The following GRID2 variants were observed in gnomAD, a reference collection of about 807,000 sequenced individuals.
GRID2 encodes the protein glutamate receptor ionotropic, delta-2.
Under a neutral mutation model 114.8 loss-of-function variants are expected in GRID2, and 33 were observed. The ratio of observed to expected loss-of-function variants is 0.29; its 90% confidence interval spans 0.22 to 0.38. The LOEUF (loss-of-function observed/expected upper bound fraction) is 0.38. Ranked by LOEUF, GRID2 falls within the 10% of genes least tolerant of loss-of-function variation. GRID2 has a pLI of 1.00. For synonymous variants in GRID2, 505 were observed against 449.9 expected (o/e 1.12, Z -1.55); for missense variants, 1,184 against 1,257.7 (o/e 0.94, Z 0.89).
chr4:92,928,573 A>G (rs1750001412), intron 2 of GRID2, among the ~76,000 whole-genome samples: 2 of 151,634 alleles, frequency 1.3e-5, no homozygotes, highest in Admixed American at 6.6e-5. Flanking sequence ...CCTTTATTGA[A>G]CTTACATAAT....
At chr4:92,929,381 T>C (rs536617374) in intron 2 of GRID2, among the ~76,000 whole-genome samples, 1 of 151,298 alleles carries the variant, frequency 6.6e-6, no homozygotes, top group Non-Finnish European at 1.5e-5. Context: ...TATATTTTGA[T>C]TAAAAAAATT....
At chr4:92,389,614 CATCT>C (rs954603431) in intron 1 of GRID2, among the ~76,000 whole-genome samples, 12 of 152,034 alleles carry the variant, frequency 7.9e-5, no homozygotes, top group African/African-American at 2.9e-4. Flanking sequence ...AATTTCCTTC[CATCT>C]AAGAGAACAG....
At chr4:93,581,432 A>G (rs1038476349) in intron 13 of GRID2, among the ~76,000 whole-genome samples, 2 of 152,160 alleles carry the variant, frequency 1.3e-5, no homozygotes, top group Admixed American at 1.3e-4. Context: ...CACAGCATTT[A>G]TATCCGTAAA....
Position 93,100,757 on chromosome 4 carries a change from T to C in GRID2, c.530-9991T>C, listed in dbSNP as rs1026257588. ...TTAAAAAGATTAAATGTGCCTAATC[T>C]ACACAGAGGAGGAAGAAATGAGTAG... On this transcript the variant is annotated intron_variant, in intron 3 of 15. Coordinates refer to ENST00000282020, the MANE Select transcript of GRID2 (RefSeq NM_001510.4). Among the ~76,000 whole-genome samples the C allele has an allele frequency of 7.9e-5, 12 of 152,140 alleles. No homozygotes were observed. In the South Asian group the frequency reaches 1.7e-3, roughly 21 times the overall value.
chr4:93,108,822 G>C (rs972941299), intron 3 of GRID2, among the ~76,000 whole-genome samples: 2 of 151,792 alleles, frequency 1.3e-5, no homozygotes, highest in African/African-American at 4.8e-5. Context: ...GTAGAGATGG[G>C]GTTTCACCAT....
chr4:93,756,725 G>A (rs995993655), intron 14 of GRID2, among the ~76,000 whole-genome samples: 3 of 152,144 alleles, frequency 2.0e-5, no homozygotes, highest in Non-Finnish European at 4.4e-5. Flanking sequence ...CTTTGGAGGG[G>A]CATAAACATT....
intron 8 of GRID2, among the ~76,000 whole-genome samples, chr4:93,381,873 T>C (rs1295244456): frequency 1.3e-5 from 2 of 152,146 alleles, no homozygotes. Context: ...CTTCAAATTA[T>C]TGTATAGTGT....
At chr4:93,653,185 C>T (rs72873044) in intron 14 of GRID2, among the ~76,000 whole-genome samples, 6,248 of 151,948 alleles carry the variant, frequency 0.041, 432 homozygotes, top group African/African-American at 0.14. Context: ...AGTTTGGAAA[C>T]GTAAATTTGA....
At chr4:93,727,545 A>C (rs1730045190) in intron 14 of GRID2, among the ~76,000 whole-genome samples, 1 of 152,000 alleles carries the variant, frequency 6.6e-6, no homozygotes, top group South Asian at 2.1e-4. Context: ...TGATTGGAAT[A>C]GTTTCAGAAG....
At chr4:92,750,640 C>A (rs1490405713) in intron 2 of GRID2, among the ~76,000 whole-genome samples, 2 of 152,154 alleles carry the variant, frequency 1.3e-5, no homozygotes. Context: ...AGCCTCCAGC[C>A]TGTATAATAC....
chr4:93,517,677 C>T (rs1330627038), intron 13 of GRID2, among the ~76,000 whole-genome samples: 1 of 151,748 alleles, frequency 6.6e-6, no homozygotes, highest in Non-Finnish European at 1.5e-5. Context: ...TGATAAAGTT[C>T]ATTGGAGTTT....
intron 2 of GRID2, among the ~76,000 whole-genome samples, chr4:92,749,669 A>C (rs1045434836): frequency 6.6e-6 from 1 of 152,132 alleles, no homozygotes; most frequent in South Asian, 2.1e-4. Flanking sequence ...GCTGAGGGTA[A>C]GATTAGTTCC....
intron 13 of GRID2, among the ~76,000 whole-genome samples, chr4:93,589,005 A>ACT (rs1436146360): frequency 1.5e-4 from 22 of 151,670 alleles, no homozygotes; most frequent in Non-Finnish European, 2.8e-4. Context: ...AGAATTCAAC[A>ACT]ACGTTCATGA....
At chr4:92,965,486 A>C (rs1280177489) in intron 2 of GRID2, among the ~76,000 whole-genome samples, 1 of 113,546 alleles carries the variant, frequency 8.8e-6, no homozygotes. Context: ...AAAAAAAAAA[A>C]AAACACACAA....
intron 8 of GRID2, among the ~76,000 whole-genome samples, chr4:93,275,419 G>C (rs1201128609): frequency 9.1e-6 from 1 of 109,948 alleles, no homozygotes; most frequent in Non-Finnish European, 1.8e-5. Context: ...TTTCATTTCT[G>C]TTGGATATAT....
chr4:92,833,440 C>T (rs1286316813), intron 2 of GRID2, among the ~76,000 whole-genome samples: 1 of 152,140 alleles, frequency 6.6e-6, no homozygotes, highest in Non-Finnish European at 1.5e-5. Flanking sequence ...TGTTAATAAA[C>T]AATTCAGCAA....
chr4:93,546,168 T>C (rs1018263859), intron 13 of GRID2, among the ~76,000 whole-genome samples: 12 of 152,166 alleles, frequency 7.9e-5, no homozygotes, highest in South Asian at 4.1e-4. Flanking sequence ...TAGGTTCTAA[T>C]TGACATGGGA....
At chr4:92,320,865 C>G (rs1726278391) in intron 1 of GRID2, among the ~76,000 whole-genome samples, 1 of 152,062 alleles carries the variant, frequency 6.6e-6, no homozygotes, top group South Asian at 2.1e-4. Flanking sequence ...AAGTCTGGTC[C>G]TAATTTAAGA....
intron 2 of GRID2, among the ~76,000 whole-genome samples, chr4:92,627,419 T>TTA (rs898582363): frequency 4.6e-5 from 7 of 152,110 alleles, no homozygotes; most frequent in African/African-American, 9.7e-5. Context: ...GGTGTATATG[T>TTA]TATATATATG....
Sources: allele counts gnomAD v4.1 joint callset (sites outside exome capture counted in the v4.1 genomes callset), GRCh38; gene constraint gnomAD v4.1.1; transcripts MANE v1.5; gene names NCBI Gene and HGNC (gene_info 2026-07-23, HGNC 2026-07-21).